Variants in SYN3 observed in about 807,000 individuals in gnomAD.
SYN3 encodes synapsin III.
SYN3 carries 35 observed loss-of-function variants against 65.8 expected under a neutral mutation model. The ratio of observed to expected loss-of-function variants is 0.53; its 90% CI spans 0.41 to 0.70. SYN3 has a LOEUF of 0.70. Among genes scored for constraint, SYN3 ranks in the 30% least tolerant of loss-of-function variants. The pLI is 0.00. For synonymous variants in SYN3, 270 were observed against 292.9 expected (o/e 0.92, Z 0.80); for missense variants, 680 against 749.0 (o/e 0.91, Z 1.08).
At chr22:32,544,239 C>G (rs1655415273) in intron 7 of SYN3, among the ~76,000 whole-genome samples, 1 of 152,184 alleles carries the variant, frequency 6.6e-6, no homozygotes, top group Non-Finnish European at 1.5e-5. Flanking sequence ...CGCCTGGCCC[C>G]TATTATGTGG....
At chr22:32,757,294 C>CA (rs1464281691) in intron 6 of SYN3, among the ~76,000 whole-genome samples, 1 of 113,194 alleles carries the variant, frequency 8.8e-6, no homozygotes, top group African/African-American at 3.5e-5. Context: ...CTCCTCCTAC[C>CA]TTTTTTTTTT....
At chr22:32,532,713 G>A (rs1016520249) in intron 10 of SYN3, among the ~76,000 whole-genome samples, 2 of 152,136 alleles carry the variant, frequency 1.3e-5, no homozygotes, top group African/African-American at 4.8e-5. Context: ...CCTGGGGAGC[G>A]AGGCAGACAT....
chr22:32,698,919 G>C (rs904609442), intron 6 of SYN3, among the ~76,000 whole-genome samples: 1 of 152,170 alleles, frequency 6.6e-6, no homozygotes, highest in Non-Finnish European at 1.5e-5. Flanking sequence ...CCAGGATGGG[G>C]GGGTGACACA....
At chr22:32,554,714 AGG>A (rs1161561610) in intron 7 of SYN3, among the ~76,000 whole-genome samples, 1 of 152,188 alleles carries the variant, frequency 6.6e-6, no homozygotes, top group Non-Finnish European at 1.5e-5. Context: ...TAGCTGCATT[AGG>A]AATAAGACCC....
intron 3 of SYN3, among the ~76,000 whole-genome samples, chr22:32,959,324 TG>T (rs912501986): frequency 4.6e-5 from 7 of 152,176 alleles, no homozygotes; most frequent in Admixed American, 2.0e-4. Flanking sequence ...TACATGGAAC[TG>T]TAAGTCCAAT....
At chr22:32,754,658 C>A (rs1198859069) in intron 6 of SYN3, among the ~76,000 whole-genome samples, 1 of 152,236 alleles carries the variant, frequency 6.6e-6, no homozygotes, top group Non-Finnish European at 1.5e-5. Flanking sequence ...TCACTCTGAT[C>A]TGCACTGTAA....
At chr22:32,592,435 CAG>C (rs969389416) in intron 7 of SYN3, among the ~76,000 whole-genome samples, 1 of 152,248 alleles carries the variant, frequency 6.6e-6, no homozygotes, top group African/African-American at 2.4e-5. Flanking sequence ...CAAAATGGCA[CAG>C]AGTTTCACCA....
At chr22:32,871,545 T>C (rs2048849483) in intron 4 of SYN3, among the ~76,000 whole-genome samples, 1 of 152,182 alleles carries the variant, frequency 6.6e-6, no homozygotes, top group Non-Finnish European at 1.5e-5. Context: ...CCCTAGTGCC[T>C]TATCGTGGCT....
intron 6 of SYN3, among the ~76,000 whole-genome samples, chr22:32,766,583 A>G (rs761889191): frequency 5.9e-5 from 9 of 152,140 alleles, no homozygotes; most frequent in Non-Finnish European, 1.2e-4. Flanking sequence ...AGCCAATCCT[A>G]TTCTTATGCA....
chr22:32,579,004 T>C (rs959358041), intron 7 of SYN3, among the ~76,000 whole-genome samples: 2 of 152,238 alleles, frequency 1.3e-5, no homozygotes, highest in African/African-American at 4.8e-5. Flanking sequence ...GGTGGTAGTT[T>C]GCCAAGCCCT....
chr22:32,920,503 G>C (rs1482074822), intron 4 of SYN3, among the ~76,000 whole-genome samples: 1 of 152,176 alleles, frequency 6.6e-6, no homozygotes, highest in Non-Finnish European at 1.5e-5. Flanking sequence ...GGCCACCCTG[G>C]GTTTGGGTTT....
chr22:32,735,948 G>C (rs2061332102), intron 6 of SYN3, among the ~76,000 whole-genome samples: 2 of 152,236 alleles, frequency 1.3e-5, no homozygotes, highest in African/African-American at 4.8e-5. Context: ...CAGGGGGATG[G>C]CAGCAAGGGG....
chr22:32,957,898 C>T (rs1009020992), intron 3 of SYN3, among the ~76,000 whole-genome samples: 1 of 152,208 alleles, frequency 6.6e-6, no homozygotes, highest in Non-Finnish European at 1.5e-5. Context: ...CGTGGTTCCA[C>T]CCCAGCATGA....
At position 32,813,369 on chromosome 22, in the gene SYN3, G is replaced by A. The variant is rs185663090; in HGVS notation, c.711+51546C>T. On this transcript the variant is annotated intron_variant, in intron 6 of 13. Coordinates refer to ENST00000358763, the MANE Select transcript of SYN3 (RefSeq NM_003490.4). Reference sequence around the variant, plus strand: ...CCGTACAGTCCAGGTCCCTTCTGGAGGGGACAGCTGCTGTCCAGCTCCAGC... The same window carrying A: ...CCGTACAGTCCAGGTCCCTTCTGGAAGGGACAGCTGCTGTCCAGCTCCAGC... 1.0e-3 allele frequency among the ~76,000 whole-genome samples: 158 copies of A among 152,206 alleles called. 1 individual carries two copies. Among genetic ancestry groups the A allele is most frequent in the Non-Finnish European group, 7.4e-4 (50 of 68,014 alleles).
intron 7 of SYN3, among the ~76,000 whole-genome samples, chr22:32,556,804 G>GTTTTTTTTTTT (rs1555895619): frequency 4.6e-5 from 2 of 43,888 alleles, no homozygotes; most frequent in Non-Finnish European, 8.3e-5. Flanking sequence ...AGGTTTCCTG[G>GTTTTTTTTTTT]TTTTTTTTTT....
At position 33,014,073 on chromosome 22, in the gene SYN3, TAA is replaced by T. The variant is rs133952; in HGVS notation, c.-162-7251_-162-7250del. 3.8e-3 allele frequency among the ~76,000 whole-genome samples: 489 copies of T among 129,742 alleles called. 2 individuals carry two copies. Among genetic ancestry groups the T allele is most frequent in the African/African-American group, 6.0e-3 (208 of 34,462 alleles). The allele number at this position is 129,742 out of a possible 152,430, so 85.1% of individuals were successfully genotyped here. On this transcript the variant is annotated intron_variant, in intron 1 of 13. Coordinates refer to ENST00000358763, the MANE Select transcript of SYN3 (RefSeq NM_003490.4). ...ACGTGTACTAAGATGCCCAGCTAGT[TAA>T]AAAAAAAAAAAAAAAAAAATTAGGG... is the stretch of plus-strand genomic sequence containing the variant.
chr22:32,833,193 C>T (rs2047629375), intron 6 of SYN3, among the ~76,000 whole-genome samples: 1 of 152,068 alleles, frequency 6.6e-6, no homozygotes, highest in African/African-American at 2.4e-5. Context: ...TGCATTTATC[C>T]CCTAACAAAG....
At chr22:32,658,803 A>C (rs915838364) in intron 6 of SYN3, among the ~76,000 whole-genome samples, 31 of 152,294 alleles carry the variant, frequency 2.0e-4, no homozygotes, top group Non-Finnish European at 3.2e-4. Flanking sequence ...CTGAGGGAGA[A>C]GGCAGAGAAA....
chr22:32,819,645 C>T (rs1169033122), intron 6 of SYN3, among the ~76,000 whole-genome samples: 2 of 152,130 alleles, frequency 1.3e-5, no homozygotes, highest in Non-Finnish European at 2.9e-5. Flanking sequence ...CATAGATCTG[C>T]CCTTCCCCCT....
Sources: gnomAD v4.1 joint callset for allele counts (sites outside exome capture counted in the v4.1 genomes callset) on GRCh38, gnomAD v4.1.1 for gene constraint, MANE v1.5 for transcripts, NCBI Gene and HGNC (gene_info 2026-07-23, HGNC 2026-07-21) for gene names.